ASIC2: variants seen among roughly 807,000 people sequenced by gnomAD.
The protein encoded by ASIC2 is acid sensing ion channel subunit 2.
In ASIC2, 25 loss-of-function variants were observed where a neutral mutation model predicts 57.3. That is an observed-to-expected ratio of 0.44 (90% CI 0.32 to 0.61). The LOEUF (loss-of-function observed/expected upper bound fraction) is 0.61. Among genes scored for constraint, ASIC2 ranks in the 20% least tolerant of loss-of-function variants. The pLI is 0.06. For missense variants in ASIC2, 641 were observed against 738.1 expected, an observed-to-expected ratio of 0.87 and a Z score of 1.52; for synonymous variants, 319 against 307.5, an observed-to-expected ratio of 1.04 and a Z score of -0.39.
chr17:34,068,707 GAC>G (rs1909269548), intron 1 of ASIC2, among the ~76,000 whole-genome samples: 1 of 152,186 alleles, frequency 6.6e-6, no homozygotes, highest in Admixed American at 6.5e-5. Context: ...ATTGTTTCCT[GAC>G]AGCAGACCTT....
At chr17:33,278,088 C>G (rs1285655452) in intron 1 of ASIC2, among the ~76,000 whole-genome samples, 1 of 152,126 alleles carries the variant, frequency 6.6e-6, no homozygotes, top group Non-Finnish European at 1.5e-5. Flanking sequence ...CATAGTTTCC[C>G]CCTCTCATCT....
intron 1 of ASIC2, among the ~76,000 whole-genome samples, chr17:33,734,890 C>T (rs907818771): frequency 1.3e-5 from 2 of 152,176 alleles, no homozygotes; most frequent in African/African-American, 4.8e-5. Flanking sequence ...TGTTGTTTAA[C>T]CCATCCACTT....
intron 1 of ASIC2, among the ~76,000 whole-genome samples, chr17:33,788,354 A>T (rs1911666806): frequency 6.6e-6 from 1 of 152,224 alleles, no homozygotes; most frequent in Admixed American, 6.5e-5. Context: ...CCACAATGAG[A>T]TACCATCTCA....
At chr17:33,980,931 C>T (rs539875959) in intron 1 of ASIC2, 4 of 114,612 alleles carry the variant, frequency 3.5e-5, no homozygotes, top group African/African-American at 1.0e-4. Context: ...CCCATCCCTT[C>T]CTCAAGTGTA....
chr17:33,053,095 A>G (rs1008756841), intron 3 of ASIC2, among the ~76,000 whole-genome samples: 8 of 152,202 alleles, frequency 5.3e-5, no homozygotes, highest in Admixed American at 2.0e-4. Flanking sequence ...TTATTGTATT[A>G]GTGTTAAACC....
chr17:34,059,616 C>T (rs951406145), intron 1 of ASIC2, among the ~76,000 whole-genome samples: 2 of 152,108 alleles, frequency 1.3e-5, no homozygotes, highest in African/African-American at 4.8e-5. Flanking sequence ...CCCATCTCAC[C>T]CTCCTCCTGC....
chr17:33,206,817 A>G (rs868420528), intron 1 of ASIC2, among the ~76,000 whole-genome samples: 1 of 152,170 alleles, frequency 6.6e-6, no homozygotes, highest in Non-Finnish European at 1.5e-5. Context: ...GAATTGCCAG[A>G]AGATCAGCAG....
At chr17:33,637,374 C>G (rs1906406239) in intron 1 of ASIC2, among the ~76,000 whole-genome samples, 1 of 151,980 alleles carries the variant, frequency 6.6e-6, no homozygotes, top group Non-Finnish European at 1.5e-5. Context: ...TCCAAGCTCC[C>G]CACCCTACCT....
chr17:33,695,618 T>G (rs1188421278), intron 1 of ASIC2, among the ~76,000 whole-genome samples: 1 of 152,210 alleles, frequency 6.6e-6, no homozygotes. Context: ...AGTGCTGCTT[T>G]CACTGGACAA....
intron 1 of ASIC2, among the ~76,000 whole-genome samples, chr17:33,770,328 C>G (rs2701497): frequency 0.45 from 68,774 of 152,090 alleles, 17,024 homozygotes; most frequent in Non-Finnish European, 0.58. Flanking sequence ...GTGTCTTCCT[C>G]TGTAAAGCGA....
At chr17:33,747,292 C>T (rs113181011) in intron 1 of ASIC2, among the ~76,000 whole-genome samples, 17,133 of 147,426 alleles carry the variant, frequency 0.12, 1,091 homozygotes, top group African/African-American at 0.18. Flanking sequence ...GGCATGATCA[C>T]GGCTCATTGC....
intron 1 of ASIC2, among the ~76,000 whole-genome samples, chr17:33,778,763 G>C (rs1032153038): frequency 1.3e-5 from 2 of 152,106 alleles, no homozygotes; most frequent in African/African-American, 2.4e-5. Flanking sequence ...AAACGCACAG[G>C]GTATTGATGC....
At chr17:33,769,783 G>A (rs375432737) in intron 1 of ASIC2, among the ~76,000 whole-genome samples, 1 of 152,238 alleles carries the variant, frequency 6.6e-6, no homozygotes, top group East Asian at 1.9e-4. Flanking sequence ...AGGTCAATGT[G>A]CTGGCAGGCC....
chr17:33,494,938 G>C (rs1221026666), intron 1 of ASIC2, among the ~76,000 whole-genome samples: 1 of 152,142 alleles, frequency 6.6e-6, no homozygotes, highest in African/African-American at 2.4e-5. Flanking sequence ...GTGCTCCAGG[G>C]TCTCTCTCTA....
In ASIC2 at chr17:33,013,941, G is replaced by T; in HGVS notation, c.*24C>A. 1 of 1,531,468 alleles carries T rather than the reference G, an allele frequency of 6.5e-7. No homozygotes were observed. Among genetic ancestry groups the T allele is most frequent in the Non-Finnish European group, 8.9e-7 (1 of 1,124,034 alleles). The allele number at this position is 1,531,468 out of a possible 1,614,324, so 94.9% of individuals were successfully genotyped here. On this transcript the variant is annotated 3_prime_UTR_variant, in exon 10 of 10. Transcript: ENST00000225823. ...TTGGGCCTCAAGGTCTGTTTGGAGG[G>T]AGTGCTGGGTGACTCGAGGGGTGTC...
intron 1 of ASIC2, among the ~76,000 whole-genome samples, chr17:33,323,836 C>T (rs184006043): frequency 2.0e-4 from 30 of 151,818 alleles, no homozygotes; most frequent in East Asian, 7.7e-4. Flanking sequence ...TAAGTCAGAA[C>T]GGTAATTATA....
intron 1 of ASIC2, among the ~76,000 whole-genome samples, chr17:33,699,546 T>C (rs190817689): frequency 6.6e-6 from 1 of 152,322 alleles, no homozygotes; most frequent in Admixed American, 6.5e-5. Context: ...ATAATATTTA[T>C]AATCTCTTAT....
chr17:34,010,912 A>T (rs1320660831), intron 1 of ASIC2, among the ~76,000 whole-genome samples: 4 of 152,020 alleles, frequency 2.6e-5, no homozygotes, highest in African/African-American at 9.7e-5. Context: ...TTCTAGTCAG[A>T]CACATGCACA....
intron 1 of ASIC2, among the ~76,000 whole-genome samples, chr17:33,153,370 T>G (rs1219223289): frequency 1.3e-5 from 2 of 152,248 alleles, no homozygotes; most frequent in Non-Finnish European, 2.9e-5. Context: ...AAGGAAGATC[T>G]GGTTCCATGA....
Sources: allele counts gnomAD v4.1 joint callset (sites outside exome capture counted in the v4.1 genomes callset), GRCh38; gene constraint gnomAD v4.1.1; transcripts MANE v1.5; gene names NCBI Gene and HGNC (gene_info 2026-07-23, HGNC 2026-07-21).